APOB: variants seen among roughly 807,000 people sequenced by gnomAD.
APOB encodes apolipoprotein B.
Under a neutral mutation model 314.1 loss-of-function variants are expected in APOB, and 153 were observed. That is an observed-to-expected ratio of 0.49 (90% CI 0.43 to 0.56). The LOEUF is 0.56. APOB is among the 20% of genes least tolerant of loss of function. APOB has a pLI of 0.00. For synonymous variants in APOB, 2,087 were observed against 2,036.4 expected (o/e 1.02, Z -0.67); for missense variants, 5,430 against 5,350.7 (o/e 1.01, Z -0.46).
Position 21,029,744 on chromosome 2 carries a change from T to C in APOB, c.1512A>G (p.Pro504=), listed in dbSNP as rs2103376825. 3.1e-6 allele frequency: 5 copies of C among 1,614,198 alleles called. No homozygotes were observed. The highest frequency in any genetic ancestry group is 4.2e-6 in the Non-Finnish European group (5 of 1,180,026). ...ATTTCAGGATTGAAGACTTGAGTTC[T>C]GGAGTTAACTGCTCCATGGTTTGGC... ...NMGQTMEQLT[P]ELKSSILKCV... Residue 504 remains proline, a synonymous_variant, in exon 12 of 29, where the codon CCA becomes CCG. Coordinates refer to ENST00000233242, the MANE Select transcript of APOB (RefSeq NM_000384.3).
chr2:21,040,046 G>A (rs1664093479), intron 4 of APOB, among the ~76,000 whole-genome samples: 1 of 152,130 alleles, frequency 6.6e-6, no homozygotes, highest in African/African-American at 2.4e-5. Context: ...ATTGAATCAT[G>A]GGGGCAGGTC....
At chr2:21,024,639 T>A in intron 16 of APOB, 1 of 530,260 alleles carries the variant, frequency 1.9e-6, no homozygotes, top group East Asian at 3.1e-5. Flanking sequence ...AAAATAAAAA[T>A]AAAAGGACCT....
rs12720771 is a variant in APOB, at chr2:21,020,740, G to A, written c.2817-835C>T. ...AATAGCACATTTTCCTCCAAGTATT[G>A]TTTCTCCAAGTTGGGGGTGCCACAA... On this transcript the variant is annotated intron_variant, in intron 18 of 28. Coordinates refer to ENST00000233242, the MANE Select transcript of APOB (RefSeq NM_000384.3). Among the ~76,000 whole-genome samples, 1,297 of 152,288 alleles carry A rather than the reference G, an allele frequency of 8.5e-3. 19 individuals carry two copies. The highest frequency in any genetic ancestry group is 0.029 in the African/African-American group (1,207 of 41,546).
chr2:21,027,660 G>A (rs910784374), intron 14 of APOB, among the ~76,000 whole-genome samples, 168 bp downstream of exon 14: 1 of 152,162 alleles, frequency 6.6e-6, no homozygotes, highest in African/African-American at 2.4e-5. Flanking sequence ...GACCCCTAGC[G>A]GGGAGAGAGG....
Position 21,001,773 on chromosome 2 carries a change from G to A in APOB, c.13649C>T (p.Pro4550Leu), listed in dbSNP as rs1177006895. 3.7e-6 allele frequency: 6 copies of A among 1,613,946 alleles called. No homozygotes were observed. Among genetic ancestry groups the A allele is most frequent in the Non-Finnish European group, 5.1e-6 (6 of 1,179,920 alleles). ...KKLQSTTVMN[P>L]YMKLAPGELT... ...TTCTCCTGGAGCAAGCTTCATGTAG[G>A]GGTTCATGACTGTGGTTGATTGCAG... is the stretch of plus-strand genomic sequence containing the variant. The change falls in exon 29 of 29, where the codon CCC becomes CTC. Residue 4550 changes from proline to leucine, a missense_variant. This residue lies in a region of APOB where 3,281 missense variants were observed against 3,171.0 expected (regional missense o/e 1.03). Coordinates refer to ENST00000233242, the MANE Select transcript of APOB (RefSeq NM_000384.3).
rs1290131269 is a variant in APOB, at chr2:21,006,527, A to T, written c.10341T>A (p.Asn3447Lys). 1.2e-6 allele frequency: 2 copies of T among 1,613,992 alleles called. No homozygotes were observed. The highest frequency in any genetic ancestry group is 1.7e-5 in the Admixed American group (1 of 60,000). Residue 3447 changes from asparagine to lysine, a missense_variant, in exon 26 of 29, where the codon AAT (asparagine) becomes AAA (lysine). By Grantham distance (94) the Asn-to-Lys change is moderately conservative. Around this residue, in one of 3 missense-constraint regions of APOB, gnomAD observed 3,281 missense variants for 3,171.0 expected, o/e 1.03. Transcript: ENST00000233242. ...AAGAGACAGTAGGTTTTGACTTGGT[A>T]TTTCCATTAAGTTCTTGCTTGAAAT... ...RMNFKQELNG[N>K]TKSKPTVSSS...
Position 21,005,717 on chromosome 2 carries a change from A to T in APOB, c.11151T>A (p.Tyr3717Ter), listed in dbSNP as rs1399264542. 1 of 1,614,016 alleles carries T rather than the reference A, an allele frequency of 6.2e-7. No individual in the cohort carries two copies. ...AAACTTTTACAGGGATGGAGAATGA[A>T]TAGCCATTGGGGTTTTTGGTGTACA... ...AFVYTKNPNG[Y>*]SFSIPVKVLA... The change falls in exon 26 of 29, where the codon TAT becomes TAA. Residue 3717 changes from tyrosine (Y) to a stop codon, truncating the protein, a stop_gained. Coordinates refer to ENST00000233242, the MANE Select transcript of APOB (RefSeq NM_000384.3). LOFTEE classifies it high-confidence loss of function.
chr2:21,010,614 C>T lies in APOB; in HGVS notation c.6254G>A (p.Arg2085Gln), dbSNP rs376782361. 11 of 1,613,896 alleles carry T rather than the reference C, an allele frequency of 6.8e-6. No individual in the cohort carries two copies. The highest frequency in any genetic ancestry group is 2.7e-5 in the African/African-American group (2 of 74,896). The change falls in exon 26 of 29, where the codon CGA becomes CAA. Residue 2085 changes from arginine to glutamine, a missense_variant. By Grantham distance (43) the Arg-to-Gln change is conservative. Around this residue, in one of 3 missense-constraint regions of APOB, gnomAD observed 3,281 missense variants for 3,171.0 expected, o/e 1.03. Transcript: ENST00000233242. Reference sequence around the variant, plus strand: ...TTCCAGTACAACTATAATGGTTTGTCGATTCCTCTCAAAATATTCTTGCAA... The same window carrying T: ...TTCCAGTACAACTATAATGGTTTGTTGATTCCTCTCAAAATATTCTTGCAA... ...ETLQEYFERN[R>Q]QTIIVVLENV...
chr2:21,021,658 A>G (rs1358072658), intron 18 of APOB, among the ~76,000 whole-genome samples: 1 of 152,068 alleles, frequency 6.6e-6, no homozygotes, highest in Non-Finnish European at 1.5e-5. Flanking sequence ...CCTTCAGGCC[A>G]TTACATGCTT....
intron 15 of APOB, 79 bp from the exon 16 acceptor site, chr2:21,025,203 T>A: frequency 7.0e-7 from 1 of 1,437,018 alleles, no homozygotes; most frequent in South Asian, 1.1e-5. Context: ...GGGACCTGTC[T>A]GATGCAGCCA....
At chr2:21,018,873 G>A (rs1028879568) in intron 20 of APOB, 119 bp downstream of exon 20, 26 of 1,476,190 alleles carry the variant, frequency 1.8e-5, no homozygotes, top group Admixed American at 1.4e-4. Flanking sequence ...TAGGCCTGCC[G>A]CTTAGTGGGT....
chr2:21,019,507 G>T (rs1334855117), intron 19 of APOB, among the ~76,000 whole-genome samples: 1 of 152,194 alleles, frequency 6.6e-6, no homozygotes, highest in Non-Finnish European at 1.5e-5. Flanking sequence ...GAGCAAATTG[G>T]GATCTGTGCT....
Position 21,029,811 on chromosome 2 carries a change from C to T in APOB, c.1471-26G>A, listed in dbSNP as rs761757307. The T allele has an allele frequency of 2.5e-6, 4 of 1,613,818 alleles. No homozygotes were observed. The South Asian group carries it at 4.4e-5, about 18-fold the overall frequency. ...CTGCATTGAAGAAAAGAAACAAGAA[C>T]CCATCAGGGTGCAGGAGAGGGAAGT... On this transcript the variant is annotated intron_variant, in intron 11 of 28. Coordinates refer to ENST00000233242, the MANE Select transcript of APOB (RefSeq NM_000384.3).
Position 21,009,962 on chromosome 2 carries a change from T to A in APOB, c.6906A>T (p.Gly2302=), listed in dbSNP as rs377125228. 2.0e-5 allele frequency: 33 copies of A among 1,613,742 alleles called. No individual in the cohort carries two copies. The highest frequency in any genetic ancestry group is 5.0e-5 in the Admixed American group (3 of 60,020). ...IDVRVLLDQL[G]TTISFERIND... ...TTATTCTTTCAAATGAAATTGTAGT[T>A]CCCAATTGATCTAAAAGCACTCTAA... The change falls in exon 26 of 29, where the codon GGA becomes GGT. Residue 2302 remains glycine, a synonymous_variant. Transcript: ENST00000233242.
chr2:21,015,104 G>A lies in APOB; in HGVS notation c.3665C>T (p.Thr1222Ile), dbSNP rs1333175181. Residue 1222 changes from threonine to isoleucine, a missense_variant, in exon 23 of 29, where the codon ACT (threonine) becomes ATT (isoleucine). By Grantham distance (89) the Thr-to-Ile change is moderately conservative. This residue lies in a region of APOB where 2,085 missense variants were observed against 2,079.7 expected (regional missense o/e 1.00). Coordinates refer to ENST00000233242, the MANE Select transcript of APOB (RefSeq NM_000384.3). The stretch of plus-strand genomic sequence containing the variant: ...TAATTTGGAACCCACGTGCCGGAAA[G>A]TCATGTCTGTTTGAGGGACTCTGTG... ...LDHRVPQTDM[T>I]FRHVGSKLIV... is the part of the protein sequence containing the mutation. The A allele has an allele frequency of 2.5e-6, 4 of 1,614,208 alleles. No homozygotes were observed. Among genetic ancestry groups the A allele is most frequent in the East Asian group, 4.5e-5 (2 of 44,882 alleles).
At chr2:21,016,983 C>CAAAAA (rs376000502) in intron 20 of APOB, among the ~76,000 whole-genome samples, 75 of 104,424 alleles carry the variant, frequency 7.2e-4, no homozygotes, top group African/African-American at 2.3e-3. Flanking sequence ...GACTCCATCT[C>CAAAAA]AAAAAATAAA....
intron 4 of APOB, 41 bp downstream of exon 4, chr2:21,040,897 G>GTC (rs1558577149): frequency 6.2e-7 from 1 of 1,610,552 alleles, no homozygotes; most frequent in Admixed American, 1.7e-5. Context: ...TACCTCAGCG[G>GTC]ACACACACAC....
At chr2:21,003,470 A>T in intron 28 of APOB, 136 bp from the exon 29 acceptor site, 1 of 775,944 alleles carries the variant, frequency 1.3e-6, no homozygotes, top group South Asian at 1.6e-5. Flanking sequence ...TATCTTTCAT[A>T]TGTCAGTTCA....
rs2103367360 is a variant in APOB, at chr2:21,019,852, A to T, written c.2870T>A (p.Ile957Asn). 1 of 1,614,194 alleles carries T rather than the reference A, an allele frequency of 6.2e-7. No homozygotes were observed. Among genetic ancestry groups the T allele is most frequent in the Non-Finnish European group, 8.5e-7 (1 of 1,180,036 alleles). ...TTKTEVIPPLIENRQSWSVCK... is the reference protein window; with the variant it reads ...TTKTEVIPPLNENRQSWSVCK... ...AACTGACCAGGACTGCCTGTTCTCA[A>T]TGAGAGGTGGGATCACCTCCGTTTT... The change falls in exon 19 of 29, where the codon ATT becomes AAT. Residue 957 changes from isoleucine (I) to asparagine (N), a missense_variant. By Grantham distance (149) the Ile-to-Asn change is moderately radical (BLOSUM62 -3). Coordinates refer to ENST00000233242, the MANE Select transcript of APOB (RefSeq NM_000384.3).
Sources: allele counts gnomAD v4.1 joint callset (sites outside exome capture counted in the v4.1 genomes callset), GRCh38; gene constraint gnomAD v4.1.1; regional missense constraint gnomAD v4.1.1; transcripts MANE v1.5; gene names NCBI Gene and HGNC (gene_info 2026-07-23, HGNC 2026-07-21).